Variants in AGBL1 observed in about 807,000 individuals in gnomAD.
AGBL1 encodes the protein AGBL carboxypeptidase 1.
In AGBL1, 130 loss-of-function variants were observed where a neutral mutation model predicts 118.9. That is an observed-to-expected ratio of 1.09 (90% CI 0.95 to 1.26). AGBL1 has a LOEUF of 1.26. Ranked by LOEUF, AGBL1 falls within the 50% of genes most tolerant of loss-of-function variation. The pLI is 0.00. For synonymous variants in AGBL1, 555 were observed against 478.9 expected (o/e 1.16, Z -2.08); for missense variants, 1,584 against 1,298.1 (o/e 1.22, Z -3.38).
intron 22 of AGBL1, among the ~76,000 whole-genome samples, chr15:86,731,080 C>G (rs1431900067): frequency 6.6e-6 from 1 of 152,162 alleles, no homozygotes; most frequent in Non-Finnish European, 1.5e-5. Flanking sequence ...ATCCGCCCGT[C>G]TTGGCCTCCC....
intron 5 of AGBL1, among the ~76,000 whole-genome samples, chr15:86,206,352 T>C (rs1352215782): frequency 6.6e-6 from 1 of 152,192 alleles, no homozygotes; most frequent in Non-Finnish European, 1.5e-5. Flanking sequence ...CTGGGTCAAA[T>C]GGTACTTCTA....
chr15:86,982,898 C>T (rs1567271784), intron 23 of AGBL1, among the ~76,000 whole-genome samples: 1 of 152,178 alleles, frequency 6.6e-6, no homozygotes, highest in Non-Finnish European at 1.5e-5. Flanking sequence ...CGGCACCCCT[C>T]ATCTTCATGC....
intron 17 of AGBL1, among the ~76,000 whole-genome samples, chr15:86,371,743 G>C (rs1287067841): frequency 6.6e-6 from 1 of 152,150 alleles, no homozygotes; most frequent in Non-Finnish European, 1.5e-5. Context: ...ATATTTTTAT[G>C]AGGGTGAGAG....
At chr15:86,892,827 G>C (rs560182765) in intron 22 of AGBL1, among the ~76,000 whole-genome samples, 2 of 152,318 alleles carry the variant, frequency 1.3e-5, no homozygotes, top group African/African-American at 4.8e-5. Context: ...TTGTGATGGT[G>C]TGAAGTACCT....
intron 23 of AGBL1, among the ~76,000 whole-genome samples, chr15:86,923,763 C>T (rs2141623219): frequency 6.6e-6 from 1 of 152,268 alleles, no homozygotes; most frequent in Middle Eastern, 3.4e-3. Context: ...AAAATGCTCC[C>T]TATAAAACTT....
chr15:86,241,009 G>A (rs927341985), intron 6 of AGBL1, among the ~76,000 whole-genome samples: 48 of 152,170 alleles, frequency 3.2e-4, no homozygotes, highest in African/African-American at 1.2e-3. Flanking sequence ...CATTTTGCCA[G>A]AGAGGGAAAT....
chr15:86,291,753 T>TTG (rs141060910), intron 16 of AGBL1, among the ~76,000 whole-genome samples: 1,687 of 152,084 alleles, frequency 0.011, 30 homozygotes, highest in African/African-American at 0.036. Flanking sequence ...GTTGTGTAGG[T>TTG]TGTGTGTGTG....
At chr15:86,498,903 C>A (rs968778963) in intron 18 of AGBL1, among the ~76,000 whole-genome samples, 1 of 151,864 alleles carries the variant, frequency 6.6e-6, no homozygotes. Flanking sequence ...TTACTCTTCT[C>A]CTAAGGAATA....
chr15:86,948,028 GAA>G (rs1333228454), intron 23 of AGBL1, among the ~76,000 whole-genome samples: 2 of 152,138 alleles, frequency 1.3e-5, no homozygotes, highest in African/African-American at 4.8e-5. Context: ...CTCAAAAGAT[GAA>G]AGAGAGCCTT....
At position 86,916,032 on chromosome 15, in the gene AGBL1, CAAT is replaced by C. The variant is rs2080418139; in HGVS notation, c.*8739_*8741del. 1.3e-5 allele frequency: 2 copies of C among 152,186 alleles called. No individual in the cohort carries two copies. The allele number at this position is 152,186 out of a possible 1,614,324, so 9.4% of individuals were successfully genotyped here. On this transcript the variant is annotated 3_prime_UTR_variant, in exon 23 of 23. Coordinates refer to ENST00000614907, the MANE Select transcript of AGBL1 (RefSeq NM_001386094.1). ...GAGGTCAGAAAAGGGCCTTGTTTTC[CAAT>C]CACCGACTGTCCTGTCTACATTAGC...
intron 22 of AGBL1, among the ~76,000 whole-genome samples, chr15:86,877,959 G>A (rs2141522898): frequency 6.6e-6 from 1 of 152,252 alleles, no homozygotes; most frequent in African/African-American, 2.4e-5. Flanking sequence ...CCCCATCATG[G>A]ATAACCCAGC....
chr15:86,674,476 G>A, intron 22 of AGBL1, 40 bp downstream of exon 22: 1 of 1,578,400 alleles, frequency 6.3e-7, no homozygotes, highest in Non-Finnish European at 8.7e-7. Flanking sequence ...TTGGACCTTG[G>A]TGGTTCCATT....
chr15:86,198,112 G>C (rs1428638000), intron 5 of AGBL1, among the ~76,000 whole-genome samples: 1 of 152,144 alleles, frequency 6.6e-6, no homozygotes, highest in East Asian at 1.9e-4. Context: ...AAAGGATTAT[G>C]CTCCAGCCTT....
At chr15:86,982,812 G>A (rs2081245201) in intron 23 of AGBL1, among the ~76,000 whole-genome samples, 1 of 152,080 alleles carries the variant, frequency 6.6e-6, no homozygotes, top group Non-Finnish European at 1.5e-5. Context: ...AAGGCTTCTG[G>A]TCAAAGTAGG....
chr15:86,821,918 A>G (rs1057437865), intron 22 of AGBL1, among the ~76,000 whole-genome samples: 4 of 152,074 alleles, frequency 2.6e-5, no homozygotes, highest in African/African-American at 9.7e-5. Context: ...CCAATATCGC[A>G]TGGGCACAAC....
In AGBL1 at chr15:86,290,343, C is replaced by CT. The variant is rs559169172; in HGVS notation, c.2221-4895dup. 5.6e-3 allele frequency among the ~76,000 whole-genome samples: 752 copies of CT among 134,166 alleles called. 1 individual carries two copies. Among genetic ancestry groups the CT allele is most frequent in the African/African-American group, 0.01 (366 of 36,318 alleles). 88.0% of individuals were successfully genotyped at this position (134,166 alleles called of 152,430 possible). On this transcript the variant is annotated intron_variant, in intron 16 of 22. Coordinates refer to ENST00000614907, the MANE Select transcript of AGBL1 (RefSeq NM_001386094.1). Reference sequence around the variant, plus strand: ...GTGTCTTCAAGTCCTTCTTTTCTTTCTTTTTTTTTTTTTTTTTCTATTTTT... The same window carrying CT: ...GTGTCTTCAAGTCCTTCTTTTCTTTCTTTTTTTTTTTTTTTTTTCTATTTTT...
At chr15:86,687,427 C>T (rs926226908) in intron 22 of AGBL1, among the ~76,000 whole-genome samples, 14 of 152,054 alleles carry the variant, frequency 9.2e-5, no homozygotes, top group African/African-American at 3.4e-4. Context: ...ACACAAATGC[C>T]CCCTACCCAA....
At chr15:86,609,771 A>G (rs937726594) in intron 21 of AGBL1, among the ~76,000 whole-genome samples, 36 of 152,206 alleles carry the variant, frequency 2.4e-4, no homozygotes, top group Admixed American at 2.0e-3. Flanking sequence ...TTTGTAAACG[A>G]CATACTCTTG....
rs536735511 is a variant in AGBL1, at chr15:86,613,490, G to A, written c.2994+58953G>A. On this transcript the variant is annotated intron_variant, in intron 21 of 22. Transcript: ENST00000614907. This position sits in a 1 kb window ranked among gnomAD's most constrained non-coding sequence, Gnocchi z 4.2. ...TCAGACAGAGAAGGCTTGCTGTGAA[G>A]TACTTAAAGGCTGCCATGTGAAAGA... Among the ~76,000 whole-genome samples the A allele has an allele frequency of 8.3e-4, 126 of 152,242 alleles. No homozygotes were observed. The highest frequency in any genetic ancestry group is 3.0e-3 in the African/African-American group (126 of 41,512).
Sources: allele counts gnomAD v4.1 joint callset (sites outside exome capture counted in the v4.1 genomes callset), GRCh38; gene constraint gnomAD v4.1.1; non-coding constraint Gnocchi (gnomAD v3.1); transcripts MANE v1.5; gene names NCBI Gene and HGNC (gene_info 2026-07-23, HGNC 2026-07-21).